The following MUC7 variants were observed in gnomAD, a reference collection of about 807,000 sequenced individuals.
The protein encoded by MUC7 is mucin 7, secreted.
A neutral mutation model predicts 2.5 loss-of-function variants in MUC7; 2 were observed. The ratio of observed to expected loss-of-function variants is 0.81; its 90% CI spans 0.33 to 2.55. The LOEUF is 2.55. Ranked by LOEUF, MUC7 falls within the 30% of genes most tolerant of loss-of-function variation. The pLI is 0.11. For missense variants in MUC7, 408 were observed against 455.6 expected, an observed-to-expected ratio of 0.90 and a Z score of 0.95; for synonymous variants, 133 against 173.4, an observed-to-expected ratio of 0.77 and a Z score of 1.83.
At chr4:70,442,267 A>G (rs1360981090) in intron 1 of MUC7, among the ~76,000 whole-genome samples, 1 of 152,230 alleles carries the variant, frequency 6.6e-6, no homozygotes, top group Non-Finnish European at 1.5e-5. Context: ...ATAAAGTAAT[A>G]CAAGTGTATT....
At chr4:70,478,789 G>A (rs1252466884) in intron 2 of MUC7, among the ~76,000 whole-genome samples, 1 of 152,150 alleles carries the variant, frequency 6.6e-6, no homozygotes, top group Non-Finnish European at 1.5e-5. Flanking sequence ...AATATGACCT[G>A]TTCTATTTTA....
chr4:70,449,731 G>T (rs1351465931), intron 1 of MUC7, among the ~76,000 whole-genome samples: 2 of 152,176 alleles, frequency 1.3e-5, no homozygotes, highest in African/African-American at 4.8e-5. Flanking sequence ...TCTTGGACAA[G>T]ATCTGATAGA....
upstream of MUC7, chr4:70,472,115 C>T (rs1734848059): frequency 6.6e-6 from 1 of 152,266 alleles, no homozygotes; most frequent in Middle Eastern, 3.4e-3. Flanking sequence ...ACACAAATGA[C>T]CTTATCTTAA....
rs184069851 is a variant in MUC7 at position 70,432,934 on chromosome 4, A to T, written c.-93+2247A>T. On this transcript the variant is annotated intron_variant, in intron 1 of 3. Coordinates refer to the MUC7 transcript ENST00000413702. ...AGGTGTAAGGAAGGGATCCAGTTTCAGCTTTCTACATATGGCTAGCCAGTT... is the reference window on the plus strand; with the variant it reads ...AGGTGTAAGGAAGGGATCCAGTTTCTGCTTTCTACATATGGCTAGCCAGTT... Among the ~76,000 whole-genome samples, 684 of 152,342 alleles carry T rather than the reference A, an allele frequency of 4.5e-3. 6 individuals carry two copies. The highest frequency in any genetic ancestry group is 0.016 in the African/African-American group (660 of 41,582).
At chr4:70,443,433 T>G (rs1420337043) in intron 1 of MUC7, among the ~76,000 whole-genome samples, 1 of 151,706 alleles carries the variant, frequency 6.6e-6, no homozygotes, top group Non-Finnish European at 1.5e-5. Flanking sequence ...TCTCACACTA[T>G]CAAATATTAT....
Position 70,445,994 on chromosome 4 carries a change from C to T in MUC7, c.-93+15307C>T, listed in dbSNP as rs577238370. Among the ~76,000 whole-genome samples, 53 of 152,270 alleles carry T rather than the reference C, an allele frequency of 3.5e-4. 1 individual carries two copies. Among genetic ancestry groups the T allele is most frequent in the Admixed American group, 3.2e-3 (49 of 15,276 alleles). ...AGGCATCATCTCATGGCCACTCACT[C>T]ATTTGTTTTTCTGTTTCTCCTGGGC... On this transcript the variant is annotated intron_variant, in intron 1 of 3. Transcript: ENST00000413702.
exon 1 of MUC7, chr4:70,430,640 C>T (rs1384261877): frequency 6.6e-6 from 1 of 152,070 alleles, no homozygotes; most frequent in Non-Finnish European, 1.5e-5. Flanking sequence ...AACAAGAATT[C>T]AACTGACAAG....
In MUC7 at chr4:70,474,070, T is replaced by C; in HGVS notation, c.49T>C (p.Phe17Leu). The change falls in exon 2 of 3, where the codon TTC becomes CTC. Residue 17 changes from phenylalanine to leucine, a missense_variant. Around this residue, in one of 3 missense-constraint regions of MUC7, gnomAD observed 225 missense variants for 240.5 expected, o/e 0.94. Coordinates refer to ENST00000304887, the MANE Select transcript of MUC7 (RefSeq NM_152291.3). ...GTGCATCTGTGCACTGAGTGCTTGC[T>C]TCTCGGTAAGTATTCACCCAAATAA... ...FVCICALSACFSFSEGRERDH... is the reference protein window; with the variant it reads ...FVCICALSACLSFSEGRERDH... 1 of 1,612,834 alleles carries C rather than the reference T, an allele frequency of 6.2e-7. No individual in the cohort carries two copies. The highest frequency in any genetic ancestry group is 8.5e-7 in the Non-Finnish European group (1 of 1,179,160).
chr4:70,478,372 G>A (rs1577916694), intron 2 of MUC7, among the ~76,000 whole-genome samples: 1 of 152,156 alleles, frequency 6.6e-6, no homozygotes, highest in Admixed American at 6.5e-5. Flanking sequence ...ACTTACAGAG[G>A]TGAATCAAAG....
In MUC7 at chr4:70,482,017, T is replaced by G. The variant is rs1735214647; in HGVS notation, c.*139T>G. The G allele has an allele frequency of 5.5e-6, 6 of 1,081,798 alleles. No individual in the cohort carries two copies. The highest frequency in any genetic ancestry group is 7.8e-6 in the Non-Finnish European group (6 of 773,142). 67.0% of individuals were successfully genotyped at this position (1,081,798 alleles called of 1,614,324 possible). Reference sequence around the variant, plus strand: ...AAGCACTATCATTAATCTTTCAATCTAATTATTCACCACCACAAGACCTAT... The same window carrying G: ...AAGCACTATCATTAATCTTTCAATCGAATTATTCACCACCACAAGACCTAT... On this transcript the variant is annotated 3_prime_UTR_variant, in exon 3 of 3. Coordinates refer to ENST00000304887, the MANE Select transcript of MUC7 (RefSeq NM_152291.3).
intron 1 of MUC7, among the ~76,000 whole-genome samples, chr4:70,454,689 T>A (rs758840514): frequency 3.3e-5 from 5 of 150,492 alleles, no homozygotes; most frequent in Non-Finnish European, 5.9e-5. Flanking sequence ...GAATTTGGTG[T>A]TCCTGTTGTG....
chr4:70,473,969 T>G, intron 1 of MUC7, 38 bp from the exon 2 acceptor site: 1 of 1,444,470 alleles, frequency 6.9e-7, no homozygotes, highest in Non-Finnish European at 9.7e-7. Flanking sequence ...TCCCATAATA[T>G]CATAACTAAT....
rs1310138738 is a variant in MUC7, at chr4:70,482,056, T to C, written c.*178T>C. 1.9e-5 allele frequency: 15 copies of C among 783,514 alleles called. No homozygotes were observed. The highest frequency in any genetic ancestry group is 1.2e-5 in the Non-Finnish European group (6 of 510,368). 48.5% of individuals were successfully genotyped at this position (783,514 alleles called of 1,614,324 possible). Reference sequence around the variant, plus strand: ...CACAAGACCTATTAACAAGACAAAATGCCTCTATCCCACAAGCCAGATGCA... The same window carrying C: ...CACAAGACCTATTAACAAGACAAAACGCCTCTATCCCACAAGCCAGATGCA... On this transcript the variant is annotated 3_prime_UTR_variant, in exon 3 of 3. Transcript: ENST00000304887.
chr4:70,437,857 G>C (rs1001182570), intron 1 of MUC7, among the ~76,000 whole-genome samples: 1 of 151,510 alleles, frequency 6.6e-6, no homozygotes, highest in Non-Finnish European at 1.5e-5. Context: ...TACCTTGGAA[G>C]TGACTCCAGG....
intron 2 of MUC7, among the ~76,000 whole-genome samples, chr4:70,474,870 A>T (rs1205266866): frequency 6.6e-6 from 1 of 152,220 alleles, no homozygotes; most frequent in Non-Finnish European, 1.5e-5. Context: ...TCCAGATAAA[A>T]GATGATGGTG....
intron 1 of MUC7, among the ~76,000 whole-genome samples, chr4:70,458,846 A>C (rs1734475530): frequency 6.6e-6 from 1 of 152,128 alleles, no homozygotes; most frequent in Non-Finnish European, 1.5e-5. Flanking sequence ...ACAGAAAAAA[A>C]GAAAAATTGT....
At chr4:70,472,474 T>C (rs935751364) in intron 1 of MUC7, among the ~76,000 whole-genome samples, 183 bp downstream of exon 1, 13 of 152,184 alleles carry the variant, frequency 8.5e-5, no homozygotes, top group African/African-American at 2.9e-4. Context: ...GGTAGGAATG[T>C]TTTTTGGTCT....
At chr4:70,467,071 A>G (rs1017340890) in intron 1 of MUC7, among the ~76,000 whole-genome samples, 1 of 152,242 alleles carries the variant, frequency 6.6e-6, no homozygotes, top group African/African-American at 2.4e-5. Context: ...CTCAGACCAC[A>G]GTGCAATCAA....
intron 1 of MUC7, among the ~76,000 whole-genome samples, chr4:70,466,923 C>T (rs945652467): frequency 6.6e-6 from 1 of 152,222 alleles, no homozygotes; most frequent in Non-Finnish European, 1.5e-5. Context: ...CAGACATCTG[C>T]AGAACTCTCC....
Sources: allele counts gnomAD v4.1 joint callset (sites outside exome capture counted in the v4.1 genomes callset), GRCh38; gene constraint gnomAD v4.1.1; regional missense constraint gnomAD v4.1.1; transcripts MANE v1.5; gene names NCBI Gene and HGNC (gene_info 2026-07-23, HGNC 2026-07-21).